TBC1D22B: variants seen among roughly 807,000 people sequenced by gnomAD.
The protein encoded by TBC1D22B is chromosome 6 open reading frame 197.
In TBC1D22B, 32 loss-of-function variants were observed where a neutral mutation model predicts 69.1. That is an observed-to-expected ratio of 0.46 (90% CI 0.35 to 0.62). The LOEUF (loss-of-function observed/expected upper bound fraction) is 0.62. TBC1D22B is among the 20% of genes least tolerant of loss of function. The pLI is 0.00. For synonymous variants in TBC1D22B, 206 were observed against 229.8 expected (o/e 0.90, Z 0.94); for missense variants, 462 against 630.9 (o/e 0.73, Z 2.87).
Position 37,330,222 on chromosome 6 carries a change from C to CTTTTTTTT in TBC1D22B, c.1390-794_1390-787dup, listed in dbSNP as rs67372032. 8.4e-3 allele frequency among the ~76,000 whole-genome samples: 634 copies of CTTTTTTTT among 75,566 alleles called. 64 individuals carry two copies. Among genetic ancestry groups the CTTTTTTTT allele is most frequent in the Non-Finnish European group, 0.012 (483 of 41,568 alleles). 49.6% of individuals were successfully genotyped at this position (75,566 alleles called of 152,430 possible). On this transcript the variant is annotated intron_variant, in intron 12 of 12. Coordinates refer to ENST00000373491, the MANE Select transcript of TBC1D22B (RefSeq NM_017772.4). ...GATGTTATAAATATTTTGTCCGTTT[C>CTTTTTTTT]TTTTTTTTTTTTTTTTTTTTTTTTT...
At chr6:37,321,152 G>A (rs1033843431) in intron 12 of TBC1D22B, among the ~76,000 whole-genome samples, 10 of 152,006 alleles carry the variant, frequency 6.6e-5, no homozygotes, top group Non-Finnish European at 1.5e-4. Context: ...ATCCTACAAG[G>A]TAGGCTATAA....
At chr6:37,258,050 T>C (rs1372160858) in intron 1 of TBC1D22B, 77 bp downstream of exon 1, 14 of 1,524,246 alleles carry the variant, frequency 9.2e-6, no homozygotes, top group Non-Finnish European at 1.2e-5. Context: ...CCCGCGGGCC[T>C]GGGGCGCCAC....
intron 1 of TBC1D22B, among the ~76,000 whole-genome samples, chr6:37,262,628 A>T (rs1766144017): frequency 6.6e-6 from 1 of 152,206 alleles, no homozygotes; most frequent in African/African-American, 2.4e-5. Context: ...GGTACATTAC[A>T]ACTTGTTCTT....
intron 1 of TBC1D22B, among the ~76,000 whole-genome samples, chr6:37,268,040 C>T (rs761949944): frequency 6.6e-6 from 1 of 152,192 alleles, no homozygotes; most frequent in Non-Finnish European, 1.5e-5. Flanking sequence ...GGCTCTCCAC[C>T]AATCCTTTTG....
At chr6:37,267,363 A>ATAAT (rs1353563974) in intron 1 of TBC1D22B, among the ~76,000 whole-genome samples, 3,738 of 106,746 alleles carry the variant, frequency 0.035, 260 homozygotes, top group African/African-American at 0.15. Flanking sequence ...ACACATATAT[A>ATAAT]ATATATATAC....
intron 5 of TBC1D22B, 92 bp downstream of exon 5, chr6:37,283,044 T>C (rs1320217465): frequency 2.0e-6 from 2 of 980,732 alleles, no homozygotes; most frequent in Non-Finnish European, 3.2e-6. Context: ...CTTAACTCCA[T>C]AGACTTCTCT....
chr6:37,317,349 T>C, intron 12 of TBC1D22B, 143 bp downstream of exon 12: 1 of 781,826 alleles, frequency 1.3e-6, no homozygotes, highest in Non-Finnish European at 2.1e-6. Flanking sequence ...GAAGGGGTCG[T>C]CCCTCTTAGT....
chr6:37,283,755 G>A (rs1220969187), intron 5 of TBC1D22B, among the ~76,000 whole-genome samples: 1 of 152,228 alleles, frequency 6.6e-6, no homozygotes, highest in Non-Finnish European at 1.5e-5. Context: ...GGATAAGAAT[G>A]AAAGTTGGCC....
intron 1 of TBC1D22B, among the ~76,000 whole-genome samples, chr6:37,261,979 GTGTGTGTGTGTGT>G (rs1766116097): frequency 7.5e-6 from 1 of 133,118 alleles, no homozygotes; most frequent in Non-Finnish European, 1.5e-5. Flanking sequence ...GTGTGTGTGT[GTGTGTGTGTGTGT>G]GTGTCTAGAG....
chr6:37,291,647 C>CTTG (rs1223137372), intron 8 of TBC1D22B, among the ~76,000 whole-genome samples: 1 of 152,214 alleles, frequency 6.6e-6, no homozygotes, highest in Non-Finnish European at 1.5e-5. Context: ...TTATTTTGAA[C>CTTG]TTGTTTCCGA....
chr6:37,287,339 G>C (rs942225901), intron 7 of TBC1D22B, among the ~76,000 whole-genome samples: 1 of 152,204 alleles, frequency 6.6e-6, no homozygotes, highest in African/African-American at 2.4e-5. Context: ...TCCTATTCCT[G>C]TATTTGCTCT....
intron 6 of TBC1D22B, 115 bp from the exon 7 acceptor site, chr6:37,286,892 T>G: frequency 1.2e-4 from 98 of 851,984 alleles, no homozygotes; most frequent in East Asian, 1.7e-4. Context: ...TGCAGTGAGC[T>G]GAGATAGTGC....
chr6:37,272,992 C>T (rs1250631446), intron 2 of TBC1D22B, among the ~76,000 whole-genome samples: 2 of 152,158 alleles, frequency 1.3e-5, no homozygotes, highest in Non-Finnish European at 2.9e-5. Flanking sequence ...CTGGTCTCAT[C>T]TCATTGGTTC....
At chr6:37,283,907 A>G (rs1766924739) in intron 5 of TBC1D22B, among the ~76,000 whole-genome samples, 1 of 152,228 alleles carries the variant, frequency 6.6e-6, no homozygotes, top group Non-Finnish European at 1.5e-5. Flanking sequence ...GCACCAACTT[A>G]CTTGGCACAC....
rs1766344016 is a variant in TBC1D22B at position 37,267,527 on chromosome 6, T to TATATATATAATATATATATACAC, written c.57-2057_57-2035dup. Among the ~76,000 whole-genome samples the TATATATATAATATATATATACAC allele has an allele frequency of 8.6e-4, 36 of 42,098 alleles. No individual in the cohort carries two copies. The Admixed American group carries it at 8.6e-3, about 10-fold the overall frequency. 27.6% of individuals were successfully genotyped at this position (42,098 alleles called of 152,430 possible). Reference sequence around the variant, plus strand: ...CTATATATATAATATATATATACACTATATATATAATATATATATACACAT... The same window carrying TATATATATAATATATATATACAC: ...CTATATATATAATATATATATACACTATATATATAATATATATATACACATATATATAATATATATATACACAT... On this transcript the variant is annotated intron_variant, in intron 1 of 12. Transcript: ENST00000373491.
At chr6:37,258,275 C>T (rs1400808988) in intron 1 of TBC1D22B, 1 of 380,334 alleles carries the variant, frequency 2.6e-6, no homozygotes, top group Non-Finnish European at 4.8e-6. Context: ...TCAGTGTCGG[C>T]CCTGGTCTCG....
intron 1 of TBC1D22B, among the ~76,000 whole-genome samples, chr6:37,263,251 T>A (rs1169103112): frequency 1.3e-5 from 2 of 152,234 alleles, no homozygotes; most frequent in Non-Finnish European, 2.9e-5. Context: ...CTGGAGAAGA[T>A]GCTGTGTATG....
At chr6:37,309,392 A>G (rs984581896) in intron 8 of TBC1D22B, among the ~76,000 whole-genome samples, 4 of 152,116 alleles carry the variant, frequency 2.6e-5, no homozygotes, top group African/African-American at 4.8e-5. Context: ...GTGGTTTCCA[A>G]TTATGCTTGT....
chr6:37,289,961 C>T (rs1339841329), intron 7 of TBC1D22B, among the ~76,000 whole-genome samples: 2 of 152,202 alleles, frequency 1.3e-5, no homozygotes, highest in Non-Finnish European at 2.9e-5. Context: ...GCTTTGTTCT[C>T]ACTACCTATG....
Sources: gnomAD v4.1 joint callset for allele counts (sites outside exome capture counted in the v4.1 genomes callset) on GRCh38, gnomAD v4.1.1 for gene constraint, MANE v1.5 for transcripts, NCBI Gene and HGNC (gene_info 2026-07-23, HGNC 2026-07-21) for gene names.